RPH3A: variants seen among roughly 807,000 people sequenced by gnomAD.
The protein encoded by RPH3A is rabphilin 3A.
RPH3A carries 48 observed loss-of-function variants against 102.2 expected under a neutral mutation model. The observed-to-expected ratio is 0.47, with a 90% CI of 0.37 to 0.60. The LOEUF (loss-of-function observed/expected upper bound fraction) is 0.60. RPH3A is among the 20% of genes least tolerant of loss of function. The pLI, the probability that RPH3A is intolerant of heterozygous loss-of-function variation, is 0.00. For missense variants in RPH3A, 781 were observed against 910.1 expected (o/e 0.86, Z 1.83); for synonymous variants, 310 against 324.3 (o/e 0.96, Z 0.47).
intron 1 of RPH3A, among the ~76,000 whole-genome samples, chr12:112,607,065 A>G (rs1044533437): frequency 3.3e-5 from 5 of 152,178 alleles, no homozygotes; most frequent in Non-Finnish European, 5.9e-5. Flanking sequence ...GATTAGCTCA[A>G]TGGGTGGCAG....
At chr12:112,869,623 T>C (rs2042670974) in intron 8 of RPH3A, 136 bp from the exon 9 acceptor site, 1 of 831,434 alleles carries the variant, frequency 1.2e-6, no homozygotes, top group African/African-American at 1.7e-5. Context: ...AAAGAGGAGG[T>C]TGGGAGAAAG....
intron 2 of RPH3A, among the ~76,000 whole-genome samples, chr12:112,822,187 A>T (rs1452843253): frequency 6.6e-6 from 1 of 152,230 alleles, no homozygotes; most frequent in South Asian, 2.1e-4. Context: ...AGATCAAGAG[A>T]TGGAACTGTC....
At chr12:112,895,651 C>T (rs1451339130) in intron 20 of RPH3A, 126 bp from the exon 21 acceptor site, 19 of 633,444 alleles carry the variant, frequency 3.0e-5, no homozygotes, top group Non-Finnish European at 5.5e-5. Context: ...GGAAGACCTC[C>T]TTGCTCCCAG....
intron 1 of RPH3A, among the ~76,000 whole-genome samples, chr12:112,583,142 A>C (rs2039412463): frequency 6.6e-6 from 1 of 152,130 alleles, no homozygotes; most frequent in Non-Finnish European, 1.5e-5. Context: ...CTGCAGCCTC[A>C]CTTCTTTTAG....
intron 2 of RPH3A, among the ~76,000 whole-genome samples, chr12:112,824,959 C>T (rs1338116654): frequency 6.6e-6 from 1 of 151,914 alleles, no homozygotes; most frequent in Non-Finnish European, 1.5e-5. Flanking sequence ...ATCTCCAAGG[C>T]CAGTGTCTTC....
At chr12:112,675,073 C>T (rs1383895659) in intron 1 of RPH3A, among the ~76,000 whole-genome samples, 1 of 152,160 alleles carries the variant, frequency 6.6e-6, no homozygotes. Context: ...TAACCAAATC[C>T]CTCTTTCTTT....
At chr12:112,750,543 A>T (rs1481395588) in intron 1 of RPH3A, among the ~76,000 whole-genome samples, 1 of 152,124 alleles carries the variant, frequency 6.6e-6, no homozygotes, top group Non-Finnish European at 1.5e-5. Flanking sequence ...AGGTATATTA[A>T]TTCCCTGATA....
intron 1 of RPH3A, among the ~76,000 whole-genome samples, chr12:112,579,650 A>T (rs1346349344): frequency 6.6e-6 from 1 of 152,234 alleles, no homozygotes; most frequent in Non-Finnish European, 1.5e-5. Context: ...TTATAATAAA[A>T]TATTAGTTTC....
At chr12:112,745,994 T>C (rs1310044568) in intron 1 of RPH3A, among the ~76,000 whole-genome samples, 2 of 151,742 alleles carry the variant, frequency 1.3e-5, no homozygotes, top group South Asian at 2.1e-4. Context: ...AGGAAGGTCA[T>C]TTCAGACTCA....
chr12:112,632,853 C>A (rs2039816245), intron 1 of RPH3A, among the ~76,000 whole-genome samples: 1 of 152,026 alleles, frequency 6.6e-6, no homozygotes, highest in Non-Finnish European at 1.5e-5. Flanking sequence ...GCAGGCCTAG[C>A]CTTATGGAAC....
intron 2 of RPH3A, among the ~76,000 whole-genome samples, chr12:112,808,222 G>T (rs944817384): frequency 6.6e-6 from 1 of 152,224 alleles, no homozygotes; most frequent in Non-Finnish European, 1.5e-5. Flanking sequence ...AAGGTGTGGA[G>T]GCTCTGGGGA....
intron 13 of RPH3A, among the ~76,000 whole-genome samples, chr12:112,877,419 T>TACACACACACACAC (rs3038114): frequency 0.011 from 1,563 of 141,614 alleles, 16 homozygotes; most frequent in African/African-American, 0.013. Flanking sequence ...CACACACGTA[T>TACACACACACACAC]ACACACACAC....
intron 1 of RPH3A, among the ~76,000 whole-genome samples, chr12:112,763,354 C>G (rs1228153853): frequency 6.6e-6 from 1 of 152,186 alleles, no homozygotes; most frequent in Non-Finnish European, 1.5e-5. Context: ...CTCAGGAGAT[C>G]CTGAGAACAT....
At chr12:112,868,352 A>G in intron 7 of RPH3A, 78 bp from the exon 8 acceptor site, 1 of 1,458,300 alleles carries the variant, frequency 6.9e-7, no homozygotes, top group Non-Finnish European at 9.4e-7. Context: ...AGGAGGAAAG[A>G]TAAAAATGGG....
intron 6 of RPH3A, among the ~76,000 whole-genome samples, chr12:112,865,801 C>A (rs964219050): frequency 3.3e-5 from 5 of 152,134 alleles, no homozygotes; most frequent in African/African-American, 7.2e-5. Context: ...AACTAGGGAG[C>A]CTGTGGCAGA....
chr12:112,605,747 TC>T (rs1466928152), intron 1 of RPH3A, among the ~76,000 whole-genome samples: 4 of 152,234 alleles, frequency 2.6e-5, no homozygotes, highest in Admixed American at 2.0e-4. Context: ...GTTTTCCATC[TC>T]CTGTGGAACT....
At chr12:112,735,516 G>GC (rs1387059409) in intron 1 of RPH3A, among the ~76,000 whole-genome samples, 2 of 152,258 alleles carry the variant, frequency 1.3e-5, no homozygotes, top group Non-Finnish European at 2.9e-5. Flanking sequence ...AACCTGCTGT[G>GC]CTCTTGCCTG....
At chr12:112,883,593 G>A (rs530476407) in intron 16 of RPH3A, among the ~76,000 whole-genome samples, 191 bp downstream of exon 16, 2 of 152,158 alleles carry the variant, frequency 1.3e-5, no homozygotes, top group Admixed American at 1.3e-4. Flanking sequence ...ATACAGATAA[G>A]TTGAAACTGT....
intron 1 of RPH3A, among the ~76,000 whole-genome samples, chr12:112,679,799 T>C (rs1190371835): frequency 6.6e-6 from 1 of 152,142 alleles, no homozygotes. Context: ...CATGGTCTGC[T>C]CTCAGGAAGC....
Sources: gnomAD v4.1 joint callset for allele counts (sites outside exome capture counted in the v4.1 genomes callset) on GRCh38, gnomAD v4.1.1 for gene constraint, MANE v1.5 for transcripts, NCBI Gene and HGNC (gene_info 2026-07-23, HGNC 2026-07-21) for gene names.